The following NCOA2 variants were observed in gnomAD, a reference collection of about 807,000 sequenced individuals.
NCOA2 encodes class E basic helix-loop-helix protein 75.
Under a neutral mutation model 145.1 loss-of-function variants are expected in NCOA2, and 21 were observed. That is an observed-to-expected ratio of 0.14 (90% CI 0.10 to 0.21). The LOEUF (loss-of-function observed/expected upper bound fraction) is 0.21. Among genes scored for constraint, NCOA2 ranks in the 10% least tolerant of loss-of-function variants. The pLI, the probability that NCOA2 is intolerant of heterozygous loss-of-function variation, is 1.00. For synonymous variants in NCOA2, 619 were observed against 637.5 expected, an observed-to-expected ratio of 0.97 and a Z score of 0.44; for missense variants, 1,472 against 1,837.6, an observed-to-expected ratio of 0.80 and a Z score of 3.64.
intron 6 of NCOA2, among the ~76,000 whole-genome samples, chr8:70,167,363 C>T (rs113703051): frequency 1.2e-4 from 18 of 152,316 alleles, no homozygotes; most frequent in African/African-American, 4.3e-4. Flanking sequence ...CCCCATGCTC[C>T]ACCATACCGG....
At position 70,202,286 on chromosome 8, in the gene NCOA2, T is replaced by G. The variant is rs545079260; in HGVS notation, c.259+11617A>C. 4.6e-5 allele frequency among the ~76,000 whole-genome samples: 7 copies of G among 152,306 alleles called. No homozygotes were observed. The South Asian group carries it at 1.4e-3, about 32-fold the overall frequency. On this transcript the variant is annotated intron_variant, in intron 4 of 22. Coordinates refer to ENST00000452400, the MANE Select transcript of NCOA2 (RefSeq NM_006540.4). ...TATAGAAGACACTATGGAGGTTCCCTGAAAATTTAAATGCAGAATTACCAT... is the reference window on the plus strand; with the variant it reads ...TATAGAAGACACTATGGAGGTTCCCGGAAAATTTAAATGCAGAATTACCAT...
At chr8:70,358,650 A>G (rs1809953345) in intron 1 of NCOA2, among the ~76,000 whole-genome samples, 1 of 152,224 alleles carries the variant, frequency 6.6e-6, no homozygotes, top group Non-Finnish European at 1.5e-5. Context: ...CTAAAACCAT[A>G]AAATTCTCAG....
intron 4 of NCOA2, among the ~76,000 whole-genome samples, chr8:70,207,996 A>C (rs1386548717): frequency 6.6e-6 from 1 of 152,058 alleles, no homozygotes; most frequent in African/African-American, 2.4e-5. Context: ...TCATGCCTAT[A>C]ATCACAGCAC....
At chr8:70,207,857 C>A (rs1818606713) in intron 4 of NCOA2, among the ~76,000 whole-genome samples, 3 of 94,560 alleles carry the variant, frequency 3.2e-5, no homozygotes, top group African/African-American at 9.4e-5. Flanking sequence ...AGCCTGACTC[C>A]ACCTCAAAAA....
intron 22 of NCOA2, among the ~76,000 whole-genome samples, chr8:70,120,245 T>C (rs1266135719): frequency 6.6e-6 from 1 of 152,242 alleles, no homozygotes; most frequent in African/African-American, 2.4e-5. Context: ...AAGAGCTACC[T>C]ACTGTGAAGG....
intron 5 of NCOA2, 127 bp downstream of exon 5, chr8:70,174,629 G>T: frequency 1.2e-6 from 1 of 814,858 alleles, no homozygotes; most frequent in Non-Finnish European, 2.0e-6. Context: ...ATATCAGCAA[G>T]CTCAAGAGGT....
At chr8:70,438,526 T>C in the NCOA2 span, among the ~76,000 whole-genome samples, 1 of 152,212 alleles carries the variant, frequency 6.6e-6, no homozygotes, top group African/African-American at 2.4e-5. Context: ...CTTGTCTTGT[T>C]CTATATTTAA....
At chr8:70,344,152 TG>T (rs1250013113) in intron 1 of NCOA2, among the ~76,000 whole-genome samples, 1 of 152,188 alleles carries the variant, frequency 6.6e-6, no homozygotes, top group Non-Finnish European at 1.5e-5. Context: ...AACATTTCAG[TG>T]AGAAAACTCA....
intron 1 of NCOA2, among the ~76,000 whole-genome samples, chr8:70,381,974 G>A (rs1812230594): frequency 6.6e-6 from 1 of 152,136 alleles, no homozygotes; most frequent in Non-Finnish European, 1.5e-5. Flanking sequence ...ATTTGCCTGT[G>A]CTTCCAACTC....
At chr8:70,194,477 C>T (rs1263321840) in intron 4 of NCOA2, among the ~76,000 whole-genome samples, 2 of 152,228 alleles carry the variant, frequency 1.3e-5, no homozygotes, top group South Asian at 2.1e-4. Flanking sequence ...CTAGAGGTTA[C>T]ATCGCACAAG....
intron 6 of NCOA2, among the ~76,000 whole-genome samples, chr8:70,169,890 AATCATC>A (rs56144437): frequency 6.0e-5 from 9 of 150,184 alleles, no homozygotes; most frequent in African/African-American, 9.8e-5. Flanking sequence ...TGCCAAGCAA[AATCATC>A]ATCATCATCA....
At chr8:70,401,421 T>C (rs932364942) in intron 1 of NCOA2, among the ~76,000 whole-genome samples, 1 of 152,208 alleles carries the variant, frequency 6.6e-6, no homozygotes, top group Non-Finnish European at 1.5e-5. Flanking sequence ...CTTTTTCCTG[T>C]AGACAAATAT....
At chr8:70,266,510 T>C (rs534644564) in intron 2 of NCOA2, among the ~76,000 whole-genome samples, 2 of 152,316 alleles carry the variant, frequency 1.3e-5, no homozygotes, top group East Asian at 3.9e-4. Context: ...CATTACTCTA[T>C]ATAAATGGCT....
chr8:70,438,767 T>C, the NCOA2 span, among the ~76,000 whole-genome samples: 1 of 152,176 alleles, frequency 6.6e-6, no homozygotes, highest in Admixed American at 6.5e-5. Flanking sequence ...GGACAAAAGG[T>C]TTCTTCCAAT....
chr8:70,395,645 G>A (rs1373482508), intron 1 of NCOA2, among the ~76,000 whole-genome samples: 3 of 152,154 alleles, frequency 2.0e-5, no homozygotes, highest in Non-Finnish European at 4.4e-5. Context: ...TCTGACAAAT[G>A]CTACTACAAT....
chr8:70,402,933 C>G (rs1328531386), intron 1 of NCOA2, among the ~76,000 whole-genome samples: 1 of 145,368 alleles, frequency 6.9e-6, no homozygotes, highest in Non-Finnish European at 1.5e-5. Flanking sequence ...CCGCCCGCCC[C>G]GCCCGCCGCA....
At chr8:70,228,234 T>C (rs1184310502) in intron 2 of NCOA2, among the ~76,000 whole-genome samples, 1 of 152,140 alleles carries the variant, frequency 6.6e-6, no homozygotes, top group Admixed American at 6.5e-5. Context: ...AAGATCACGA[T>C]TTATATTTTA....
At chr8:70,219,124 A>G (rs1377273423) in intron 2 of NCOA2, among the ~76,000 whole-genome samples, 2 of 152,202 alleles carry the variant, frequency 1.3e-5, no homozygotes, top group Non-Finnish European at 2.9e-5. Context: ...GCACTGGGAC[A>G]TAGGGACCAG....
chr8:70,399,576 G>A (rs1814026965), intron 1 of NCOA2, among the ~76,000 whole-genome samples: 1 of 152,178 alleles, frequency 6.6e-6, no homozygotes, highest in East Asian at 1.9e-4. Flanking sequence ...AATAAAGCAT[G>A]TAATAACATA....
Sources: gnomAD v4.1 joint callset for allele counts (sites outside exome capture counted in the v4.1 genomes callset) on GRCh38, gnomAD v4.1.1 for gene constraint, MANE v1.5 for transcripts, NCBI Gene and HGNC (gene_info 2026-07-23, HGNC 2026-07-21) for gene names.